Variants in PCDHA4 observed in about 807,000 individuals in gnomAD.
PCDHA4 encodes the protein protocadherin alpha 4.
PCDHA4 carries 49 observed loss-of-function variants against 61.4 expected under a neutral mutation model. The observed-to-expected ratio is 0.80, with a 90% CI of 0.63 to 1.01. The LOEUF (loss-of-function observed/expected upper bound fraction) is 1.01. Ranked by LOEUF, PCDHA4 falls within the 50% of genes least tolerant of loss-of-function variation. PCDHA4 has a pLI of 0.00. For missense variants in PCDHA4, 1,254 were observed against 1,235.8 expected, an observed-to-expected ratio of 1.01 and a Z score of -0.22; for synonymous variants, 590 against 550.3, an observed-to-expected ratio of 1.07 and a Z score of -1.01.
chr5:140,889,893 C>A (rs1275511475), intron 1 of PCDHA4, among the ~76,000 whole-genome samples: 2 of 152,158 alleles, frequency 1.3e-5, no homozygotes, highest in Admixed American at 1.3e-4. Flanking sequence ...AGAATTCTGA[C>A]TACCTTGAGA....
Position 141,009,646 on chromosome 5 carries a change from G to A in PCDHA4, c.2553G>A (p.Val851=), listed in dbSNP as rs369515881. 16 of 1,613,668 alleles carry A rather than the reference G, an allele frequency of 9.9e-6. No individual in the cohort carries two copies. The highest frequency in any genetic ancestry group is 5.5e-5 in the South Asian group (5 of 91,030). ...TTTCAGAACCAGAGGCAGGAGAAGT[G>A]TCCCCTCCAGTCGGTGCGGGTGTCA... is the stretch of plus-strand genomic sequence containing the variant. ...SATPEPEAGE[V]SPPVGAGVNS... The change falls in exon 4 of 4, where the codon GTG becomes GTA. Residue 851 remains valine, a synonymous_variant. Coordinates refer to ENST00000530339, the MANE Select transcript of PCDHA4 (RefSeq NM_018907.4).
chr5:140,887,643 T>C (rs1392264032), intron 1 of PCDHA4, among the ~76,000 whole-genome samples: 2 of 152,148 alleles, frequency 1.3e-5, no homozygotes, highest in African/African-American at 4.8e-5. Flanking sequence ...TTGGGGTTTG[T>C]TGATATTCTT....
chr5:140,857,805 C>G, intron 1 of PCDHA4: 2 of 1,597,714 alleles, frequency 1.3e-6, no homozygotes, highest in Non-Finnish European at 1.7e-6. Flanking sequence ...TCGGTGGTTG[C>G]GGGTCACGTG....
At chr5:140,884,577 T>C (rs2060274481) in intron 1 of PCDHA4, 2 of 1,614,230 alleles carry the variant, frequency 1.2e-6, no homozygotes, top group East Asian at 4.5e-5. Context: ...ACGGACCTCA[T>C]GGCCTTCAGT....
intron 1 of PCDHA4, chr5:140,864,039 A>G (rs1287126881): frequency 6.5e-6 from 1 of 152,908 alleles, no homozygotes; most frequent in Non-Finnish European, 1.5e-5. Context: ...CATCTTAATC[A>G]CTTTTTACTA....
rs139167552 is a variant in PCDHA4, at chr5:140,939,382, C to T, written c.2386-39567C>T. On this transcript the variant is annotated intron_variant, in intron 1 of 3. Coordinates refer to ENST00000530339, the MANE Select transcript of PCDHA4 (RefSeq NM_018907.4). ...CAAAGGAGGAGGGAACACAAACATT[C>T]AGATCATAGCAAGTTTGTGTAAATC... 3.9e-5 allele frequency among the ~76,000 whole-genome samples: 6 copies of T among 152,258 alleles called. No homozygotes were observed. The East Asian group carries it at 1.2e-3, about 29-fold the overall frequency.
chr5:140,997,675 TG>T (rs1554255972), intron 3 of PCDHA4, among the ~76,000 whole-genome samples: 41 of 151,686 alleles, frequency 2.7e-4, no homozygotes, highest in African/African-American at 9.7e-4. Flanking sequence ...AGCTTGTGTG[TG>T]TGTGTGTGTG....
chr5:140,809,503 C>T lies in PCDHA4; in HGVS notation c.2316C>T (p.Phe772=), dbSNP rs782650472. 22 of 1,614,096 alleles carry T rather than the reference C, an allele frequency of 1.4e-5. No individual in the cohort carries two copies. The Admixed American group carries it at 2.5e-4, about 18-fold the overall frequency. The change falls in exon 1 of 4, where the codon TTC becomes TTT. Residue 772 remains phenylalanine (F), a synonymous_variant. Coordinates refer to ENST00000530339, the MANE Select transcript of PCDHA4 (RefSeq NM_018907.4). ...EGPPKTDLMA[F]SPSLPDSRDR... The stretch of plus-strand genomic sequence containing the variant: ...CACCCAAGACCGACCTCATGGCCTT[C>T]AGCCCCAGTTTACCTGACTCTAGGG...
Position 141,000,690 on chromosome 5 carries a change from A to G in PCDHA4, c.2534-8937A>G, listed in dbSNP as rs550187550. On this transcript the variant is annotated intron_variant, in intron 3 of 3. Transcript: ENST00000530339. The stretch of plus-strand genomic sequence containing the variant: ...TGATCCACCTGCCTCTGCCTCCCAA[A>G]GTGCTGGGATTACAGGCATGAGCCA... 4.2e-3 allele frequency among the ~76,000 whole-genome samples: 638 copies of G among 151,554 alleles called. 1 individual carries two copies. The highest frequency in any genetic ancestry group is 7.2e-3 in the Non-Finnish European group (489 of 67,874).
intron 1 of PCDHA4, chr5:140,830,467 TGAA>T (rs2150186899): frequency 3.2e-6 from 5 of 1,572,686 alleles, no homozygotes; most frequent in Non-Finnish European, 4.3e-6. Flanking sequence ...AGGATTTAAA[TGAA>T]GATCATGATG....
chr5:140,891,904 T>A (rs1429453216), intron 1 of PCDHA4, among the ~76,000 whole-genome samples: 3 of 152,212 alleles, frequency 2.0e-5, no homozygotes, highest in Non-Finnish European at 4.4e-5. Flanking sequence ...AAGAAGATCT[T>A]CACCAGATGC....
At position 140,877,198 on chromosome 5, in the gene PCDHA4, G is replaced by A. The variant is rs781787046; in HGVS notation, c.2385+67626G>A. On this transcript the variant is annotated intron_variant, in intron 1 of 3. Transcript: ENST00000530339. Reference sequence around the variant, plus strand: ...GACTCCGGCTGGCAGCGCAGGAGGCGCAGTTAGCGAGTTGGTACCGCGGTC... The same window carrying A: ...GACTCCGGCTGGCAGCGCAGGAGGCACAGTTAGCGAGTTGGTACCGCGGTC... The A allele has an allele frequency of 1.5e-5, 24 of 1,613,830 alleles. No individual in the cohort carries two copies. The highest frequency in any genetic ancestry group is 7.7e-5 in the South Asian group (7 of 91,064).
rs550922282 is a variant in PCDHA4, at chr5:140,927,864, T to C, written c.2386-51085T>C. On this transcript the variant is annotated intron_variant, in intron 1 of 3. Transcript: ENST00000530339. The stretch of plus-strand genomic sequence containing the variant: ...GTGTCTTTGGTTTAGCTAGCACCGC[T>C]AAACTGCTGGTGGAGGTGACTGACG... The C allele has an allele frequency of 6.8e-6, 11 of 1,614,200 alleles. No homozygotes were observed. In the South Asian group the frequency reaches 1.2e-4, roughly 18 times the overall value.
At chr5:140,827,371 C>T (rs1488315949) in intron 1 of PCDHA4, among the ~76,000 whole-genome samples, 1 of 152,100 alleles carries the variant, frequency 6.6e-6, no homozygotes, top group Non-Finnish European at 1.5e-5. Context: ...AGCAAGAATC[C>T]TAATATAAGC....
chr5:140,883,625 C>G (rs1446947181), intron 1 of PCDHA4: 9 of 1,613,872 alleles, frequency 5.6e-6, no homozygotes, highest in Non-Finnish European at 6.8e-6. Context: ...CGACAACGCG[C>G]CGGCGTTCGC....
At chr5:140,995,647 A>G (rs1419237450) in intron 3 of PCDHA4, among the ~76,000 whole-genome samples, 2 of 152,202 alleles carry the variant, frequency 1.3e-5, no homozygotes, top group African/African-American at 4.8e-5. Context: ...TTAGAAAAGG[A>G]GAATCGAAAA....
chr5:140,982,561 C>G lies in PCDHA4; in HGVS notation c.2531C>G (p.Pro844Arg), dbSNP rs560422677. ...QQWPTVSSAT[P>R]EPEAGEVSPP... The stretch of plus-strand genomic sequence containing the variant: ...TGGCCAACAGTATCCAGTGCAACAC[C>G]AGGTAAAGAGCTGGGGTCTCTCCAT... The change falls in exon 3 of 4, where the codon CCA (proline) becomes CGA (arginine). Residue 844 changes from proline (P) to arginine (R), a missense_variant and splice_region_variant. By Grantham distance (103) the Pro-to-Arg change is moderately radical. Coordinates refer to ENST00000530339, the MANE Select transcript of PCDHA4 (RefSeq NM_018907.4). The G allele has an allele frequency of 6.2e-7, 1 of 1,614,060 alleles. No individual in the cohort carries two copies. Among genetic ancestry groups the G allele is most frequent in the African/African-American group, 1.3e-5 (1 of 75,052 alleles).
At chr5:140,906,057 C>A (rs558964545) in intron 1 of PCDHA4, among the ~76,000 whole-genome samples, 7 of 152,326 alleles carry the variant, frequency 4.6e-5, no homozygotes, top group Admixed American at 2.0e-4. Context: ...GCTGCACTGG[C>A]AGCTGATTAG....
intron 1 of PCDHA4, chr5:140,841,504 G>T (rs2150316836): frequency 1.2e-6 from 2 of 1,613,362 alleles, no homozygotes; most frequent in East Asian, 4.5e-5. Context: ...AGCTGGTGCC[G>T]CGCCTGTTCC....
Sources: allele counts gnomAD v4.1 joint callset (sites outside exome capture counted in the v4.1 genomes callset), GRCh38; gene constraint gnomAD v4.1.1; transcripts MANE v1.5; gene names NCBI Gene and HGNC (gene_info 2026-07-23, HGNC 2026-07-21).